MGAM2: variants seen among roughly 807,000 people sequenced by gnomAD.
The protein encoded by MGAM2 is maltase-glucoamylase 2 (putative).
A neutral mutation model predicts 96.1 loss-of-function variants in MGAM2; 98 were observed. The ratio of observed to expected loss-of-function variants is 1.02; its 90% CI spans 0.87 to 1.21. The LOEUF is 1.21. Among genes scored for constraint, MGAM2 ranks in the 50% most tolerant of loss-of-function variants. The pLI, the probability that MGAM2 is intolerant of heterozygous loss-of-function variation, is 0.00. For synonymous variants in MGAM2, 749 were observed against 414.8 expected, an observed-to-expected ratio of 1.81 and a Z score of -9.79; for missense variants, 2,055 against 1,182.4, an observed-to-expected ratio of 1.74 and a Z score of -10.82.
chr7:142,164,014 TAG>T (rs1174898898), intron 23 of MGAM2, among the ~76,000 whole-genome samples: 1 of 152,204 alleles, frequency 6.6e-6, no homozygotes, highest in Non-Finnish European at 1.5e-5. Context: ...TAAAAAAATA[TAG>T]TCTTACCTTT....
Position 142,154,177 on chromosome 7 carries a change from T to C in MGAM2, c.1794T>C (p.Phe598=), listed in dbSNP as rs1408592046. The C allele has an allele frequency of 3.2e-6, 2 of 625,466 alleles. No individual in the cohort carries two copies. Among genetic ancestry groups the C allele is most frequent in the East Asian group, 2.8e-5 (1 of 36,268 alleles). 38.7% of individuals were successfully genotyped at this position (625,466 alleles called of 1,614,324 possible). Residue 598 remains phenylalanine, a synonymous_variant, in exon 16 of 48, where the codon TTT becomes TTC. Coordinates refer to ENST00000477922, the MANE Select transcript of MGAM2 (RefSeq NM_001293626.2). ...SIPTILEFNL[F]GIPMVGANIC... is the part of the protein sequence containing the mutation. ...CCACTATCCTTGAGTTCAACCTGTT[T>C]GGCATCCCCATGGTGAGCCTTATTT...
chr7:142,209,376 T>C (rs1020515039), intron 46 of MGAM2, among the ~76,000 whole-genome samples: 1 of 152,176 alleles, frequency 6.6e-6, no homozygotes, highest in African/African-American at 2.4e-5. Context: ...TGGGAGGGCA[T>C]TGCAAAACTG....
At chr7:142,195,377 A>G (rs1797002164) in intron 37 of MGAM2, among the ~76,000 whole-genome samples, 1 of 107,644 alleles carries the variant, frequency 9.3e-6, no homozygotes, top group Non-Finnish European at 1.7e-5. Flanking sequence ...TTTTTTTGAG[A>G]CAGAGTCTTG....
chr7:142,200,835 G>C (rs1797201084), intron 45 of MGAM2, among the ~76,000 whole-genome samples: 1 of 152,010 alleles, frequency 6.6e-6, no homozygotes, highest in Non-Finnish European at 1.5e-5. Context: ...TAATATTTTT[G>C]CTGTACTAAC....
At position 142,222,110 on chromosome 7, in the gene MGAM2, T is replaced by C. The variant is rs1402011943; in HGVS notation, c.*51T>C. The C allele has an allele frequency of 7.5e-6, 3 of 397,608 alleles. No individual in the cohort carries two copies. The East Asian group carries it at 1.1e-4, about 14-fold the overall frequency. 24.6% of individuals were successfully genotyped at this position (397,608 alleles called of 1,614,324 possible). ...CTCAGATAACGCCTACAAACAACTA[T>C]TACAGATATAGAAAATCAGTTACGA... On this transcript the variant is annotated 3_prime_UTR_variant, in exon 48 of 48. Transcript: ENST00000477922.
Position 142,198,738 on chromosome 7 carries a change from A to G in MGAM2, c.5047A>G (p.Ser1683Gly), listed in dbSNP as rs1387338618. The change falls in exon 44 of 48, where the codon AGT becomes GGT. Residue 1683 changes from serine to glycine, a missense_variant and splice_region_variant. Transcript: ENST00000477922. ...WQEPAMNTHS[S>G]RQNFMGLIVA... ...AGAGCCTGCTATGAACACTCACTCCAGGTGAGGAGAAGAGGCAATGTCTAA... is the reference window on the plus strand; with the variant it reads ...AGAGCCTGCTATGAACACTCACTCCGGGTGAGGAGAAGAGGCAATGTCTAA... 5.7e-6 allele frequency: 4 copies of G among 703,320 alleles called. No individual in the cohort carries two copies. In the South Asian group the frequency reaches 5.9e-5, roughly 10 times the overall value. 43.6% of individuals were successfully genotyped at this position (703,320 alleles called of 1,614,324 possible). A position where few individuals can be genotyped will look rare whatever the true frequency, so the allele number is the denominator to read the frequency against.
intron 3 of MGAM2, among the ~76,000 whole-genome samples, chr7:142,130,275 G>A (rs896123934): frequency 6.6e-6 from 1 of 152,038 alleles, no homozygotes; most frequent in Admixed American, 6.6e-5. Flanking sequence ...GCTTCACTTT[G>A]CTTACTTTTT....
intron 46 of MGAM2, among the ~76,000 whole-genome samples, chr7:142,212,481 A>T (rs1262178170): frequency 6.6e-6 from 1 of 152,226 alleles, no homozygotes; most frequent in Non-Finnish European, 1.5e-5. Context: ...AAGACACACT[A>T]GGCTCAAAAT....
At position 142,220,820 on chromosome 7, in the gene MGAM2, T is replaced by A. The variant is rs1391192990; in HGVS notation, c.6309T>A (p.Thr2103=). 2 of 702,116 alleles carry A rather than the reference T, an allele frequency of 2.8e-6. No individual in the cohort carries two copies. The highest frequency in any genetic ancestry group is 3.5e-5 in the African/African-American group (2 of 57,216). 43.5% of individuals were successfully genotyped at this position (702,116 alleles called of 1,614,324 possible). ...STIATVPISV[T]PSLTSTADAT... The stretch of plus-strand genomic sequence containing the variant: ...TTGCTACCGTTCCCATTTCAGTGAC[T>A]CCTTCTCTGACAAGTACTGCTGATG... The change falls in exon 48 of 48, where the codon ACT becomes ACA. Residue 2103 remains threonine, a synonymous_variant. Coordinates refer to ENST00000477922, the MANE Select transcript of MGAM2 (RefSeq NM_001293626.2).
At chr7:142,176,064 G>C (rs958365806) in intron 32 of MGAM2, among the ~76,000 whole-genome samples, 30 of 146,318 alleles carry the variant, frequency 2.1e-4, no homozygotes, top group African/African-American at 7.5e-4. Context: ...GGTAAAGTTA[G>C]AACAACTGTG....
chr7:142,139,659 CAAAAA>C (rs765007343), intron 10 of MGAM2, among the ~76,000 whole-genome samples: 1 of 54,578 alleles, frequency 1.8e-5, no homozygotes, highest in African/African-American at 6.6e-5. Flanking sequence ...GGCTCTATCT[CAAAAA>C]AAAAAAAAAA....
chr7:142,177,337 G>A (rs1237670545), intron 32 of MGAM2, among the ~76,000 whole-genome samples: 1 of 152,156 alleles, frequency 6.6e-6, no homozygotes, highest in African/African-American at 2.4e-5. Context: ...AGCAGGGAAA[G>A]ACCTGCCCCC....
At chr7:142,126,218 T>G (rs1345992045) in intron 3 of MGAM2, among the ~76,000 whole-genome samples, 2 of 152,108 alleles carry the variant, frequency 1.3e-5, no homozygotes, top group Non-Finnish European at 2.9e-5. Context: ...TAATGAGACC[T>G]ATTCATATAT....
At position 142,221,671 on chromosome 7, in the gene MGAM2, T is replaced by A; in HGVS notation, c.7160T>A (p.Phe2387Tyr). 1 of 439,412 alleles carries A rather than the reference T, an allele frequency of 2.3e-6. No individual in the cohort carries two copies. Among genetic ancestry groups the A allele is most frequent in the Non-Finnish European group, 4.0e-6 (1 of 250,146 alleles). 27.2% of individuals were successfully genotyped at this position (439,412 alleles called of 1,614,324 possible). The change falls in exon 48 of 48, where the codon TTC becomes TAC. Residue 2387 changes from phenylalanine to tyrosine, a missense_variant. By Grantham distance (22) the Phe-to-Tyr change is conservative. Coordinates refer to ENST00000477922, the MANE Select transcript of MGAM2 (RefSeq NM_001293626.2). ...AAATTCACCACACACATCACACAGT[T>A]CGCTACTCCCCATTCTGCTACTACT... ...IDKFTTHITQ[F>Y]ATPHSATTTT... is the part of the protein sequence containing the mutation.
At position 142,164,903 on chromosome 7, in the gene MGAM2, C is replaced by T; in HGVS notation, c.2532C>T (p.Asp844=). ...KIINNNYMDT[D]NLMFTDITIL... is the part of the protein sequence containing the mutation. ...TAAATAATAATTATATGGACACTGA[C>T]AACCTCATGTTCACAGATATCACAA... is the stretch of plus-strand genomic sequence containing the variant. The change falls in exon 24 of 48, where the codon GAC becomes GAT. Residue 844 remains aspartate, a synonymous_variant. Transcript: ENST00000477922. 10 of 702,516 alleles carry T rather than the reference C, an allele frequency of 1.4e-5. No homozygotes were observed. The highest frequency in any genetic ancestry group is 2.6e-5 in the Non-Finnish European group (10 of 384,788). The allele number at this position is 702,516 out of a possible 1,614,324, so 43.5% of individuals were successfully genotyped here. A position where few individuals can be genotyped will look rare whatever the true frequency, so the allele number is the denominator to read the frequency against.
chr7:142,208,675 A>G (rs1001418544), intron 46 of MGAM2, 53 bp downstream of exon 46: 10 of 692,414 alleles, frequency 1.4e-5, no homozygotes, highest in Non-Finnish European at 2.6e-5. Flanking sequence ...TCTACAGATT[A>G]AACATTACAG....
At chr7:142,114,176 A>T (rs539612715) in intron 1 of MGAM2, among the ~76,000 whole-genome samples, 1 of 128,238 alleles carries the variant, frequency 7.8e-6, no homozygotes, top group South Asian at 2.8e-4. Context: ...GAAAGAAAGA[A>T]AGAAAGAAAG....
chr7:142,135,179 A>T (rs1232267276), intron 7 of MGAM2, among the ~76,000 whole-genome samples: 5 of 152,210 alleles, frequency 3.3e-5, no homozygotes, highest in Non-Finnish European at 5.9e-5. Flanking sequence ...TGAACAAAGC[A>T]AGTAGCACAT....
chr7:142,192,765 T>C (rs1222219154), intron 37 of MGAM2, among the ~76,000 whole-genome samples: 6 of 152,194 alleles, frequency 3.9e-5, no homozygotes, highest in African/African-American at 9.7e-5. Flanking sequence ...AGAAGCTTGC[T>C]CCACAAATTA....
Sources: gnomAD v4.1 joint callset for allele counts (sites outside exome capture counted in the v4.1 genomes callset) on GRCh38, gnomAD v4.1.1 for gene constraint, MANE v1.5 for transcripts, NCBI Gene and HGNC (gene_info 2026-07-23, HGNC 2026-07-21) for gene names.